FLNC: variants seen among roughly 807,000 people sequenced by gnomAD.
FLNC encodes filamin-C.
Under a neutral mutation model 254.3 loss-of-function variants are expected in FLNC, and 91 were observed. The observed-to-expected ratio is 0.36, with a 90% CI of 0.30 to 0.43. The LOEUF is 0.43. FLNC is among the 20% of genes least tolerant of loss of function. FLNC has a pLI of 1.00. For synonymous variants in FLNC, 1,430 were observed against 1,577.2 expected (o/e 0.91, Z 2.21); for missense variants, 2,853 against 3,802.6 (o/e 0.75, Z 6.57).
In FLNC at chr7:128,851,315, A is replaced by T; in HGVS notation, c.5623A>T (p.Asn1875Tyr). ...YGPGLSHGMVNKPATFTIVTK... is the reference protein window; with the variant it reads ...YGPGLSHGMVYKPATFTIVTK... ...GCCAGGCCTGAGCCATGGCATGGTC[A>T]ACAAGCCAGCCACCTTCACTATTGT... Residue 1875 changes from asparagine to tyrosine, a missense_variant, in exon 34 of 48, where the codon AAC becomes TAC. This residue lies in a region of FLNC where 551 missense variants were observed against 835.0 expected (regional missense o/e 0.66). Transcript: ENST00000325888. 6.2e-7 allele frequency: 1 copy of T among 1,614,146 alleles called. No individual in the cohort carries two copies. The highest frequency in any genetic ancestry group is 8.5e-7 in the Non-Finnish European group (1 of 1,180,044).
chr7:128,840,519 T>A, intron 9 of FLNC, 29 bp from the exon 10 acceptor site: 1 of 1,614,070 alleles, frequency 6.2e-7, no homozygotes, highest in Non-Finnish European at 8.5e-7. Flanking sequence ...TGATCTGCCT[T>A]CTTCCCCACC....
chr7:128,853,141 T>C (rs1808895545), intron 37 of FLNC, 110 bp downstream of exon 37: 2 of 1,129,016 alleles, frequency 1.8e-6, no homozygotes, highest in Non-Finnish European at 2.6e-6. Flanking sequence ...TGAAACTTCC[T>C]GACCAGTCTG....
At chr7:128,831,810 G>A (rs1441591465) in intron 1 of FLNC, among the ~76,000 whole-genome samples, 1 of 152,176 alleles carries the variant, frequency 6.6e-6, no homozygotes, top group East Asian at 1.9e-4. Flanking sequence ...AGTGCAGGGT[G>A]GGGGCGGGGA....
rs780066692 is a variant in FLNC, at chr7:128,842,981, C to T, written c.2550+27C>T. 12 of 1,612,256 alleles carry T rather than the reference C, an allele frequency of 7.4e-6. No homozygotes were observed. Among genetic ancestry groups the T allele is most frequent in the African/African-American group, 4.0e-5 (3 of 74,900 alleles). ...TACCTAAGCTCCTGGGTACTCACAG[C>T]GACATGCACCTGCCAGCTCCAGAAG... is the stretch of plus-strand genomic sequence containing the variant. On this transcript the variant is annotated intron_variant, in intron 16 of 47. Transcript: ENST00000325888. The surrounding 1 kb of genome is among the most constrained non-coding windows in gnomAD (Gnocchi z 5.4).
In FLNC at chr7:128,856,549, C is replaced by A. The variant is rs1203303463; in HGVS notation, c.7283C>A (p.Ser2428Tyr). ...ETGLKVNQPA[S>Y]FAVQLNGARG... ...GGGCTCAAGGTGAACCAGCCAGCGT[C>A]CTTTGCCGTGCAGCTGAACGGTGCC... Residue 2428 changes from serine (S) to tyrosine (Y), a missense_variant, in exon 44 of 48, where the codon TCC becomes TAC. By Grantham distance (144) the Ser-to-Tyr change is moderately radical (BLOSUM62 -2). Transcript: ENST00000325888. The surrounding 1 kb of genome is among the most constrained non-coding windows in gnomAD (Gnocchi z 5.9). The A allele has an allele frequency of 6.2e-7, 1 of 1,612,886 alleles. No homozygotes were observed. The highest frequency in any genetic ancestry group is 8.5e-7 in the Non-Finnish European group (1 of 1,180,030).
rs1232073461 is a variant in FLNC, at chr7:128,841,479, A to G, written c.2033A>G (p.Glu678Gly). 1 of 1,614,112 alleles carries G rather than the reference A, an allele frequency of 6.2e-7. No homozygotes were observed. Among genetic ancestry groups the G allele is most frequent in the Non-Finnish European group, 8.5e-7 (1 of 1,180,008 alleles). The change falls in exon 13 of 48, where the codon GAG becomes GGG. Residue 678 changes from glutamate (E) to glycine (G), a missense_variant. Glu to Gly is a moderately conservative substitution (Grantham distance 98). Transcript: ENST00000325888. This position sits in a 1 kb window ranked among gnomAD's most constrained non-coding sequence, Gnocchi z 4.3. Reference protein sequence around the residue: ...DKVKAFGPGLEPTGCIVDKPA... With the variant: ...DKVKAFGPGLGPTGCIVDKPA... ...GTGAAGGCCTTTGGGCCTGGCCTGG[A>G]GCCTACCGGCTGCATCGTGGACAAG...
rs546313508 is a variant in FLNC, at chr7:128,849,833, C to T, written c.5200-143C>T. 7 of 769,006 alleles carry T rather than the reference C, an allele frequency of 9.1e-6. No homozygotes were observed. The South Asian group carries it at 1.1e-4, about 12-fold the overall frequency. The allele number at this position is 769,006 out of a possible 1,614,324, so 47.6% of individuals were successfully genotyped here. On this transcript the variant is annotated intron_variant, in intron 30 of 47. Transcript: ENST00000325888. ...CCGCTGTGCTCTCCACCATCCCCAG[C>T]TCCATCTCCCCAGAGGCTGCCCTGC...
At position 128,852,837 on chromosome 7, in the gene FLNC, T is replaced by C. The variant is rs1416744239; in HGVS notation, c.6014T>C (p.Phe2005Ser). The C allele has an allele frequency of 6.2e-7, 1 of 1,613,818 alleles. No homozygotes were observed. Reference sequence around the variant, plus strand: ...CACCCACTTTCCACAGGGATCTCCTTCACCCCCAAGGAGGTCGGGGAGCAC... The same window carrying C: ...CACCCACTTTCCACAGGGATCTCCTCCACCCCCAAGGAGGTCGGGGAGCAC... ...RLPNRHIGIS[F>S]TPKEVGEHVV... The change falls in exon 37 of 48, where the codon TTC becomes TCC. Residue 2005 changes from phenylalanine (F) to serine (S), a missense_variant. Around this residue, in one of 10 missense-constraint regions of FLNC, gnomAD observed 551 missense variants for 835.0 expected, o/e 0.66. Coordinates refer to ENST00000325888, the MANE Select transcript of FLNC (RefSeq NM_001458.5).
chr7:128,854,776 C>T lies in FLNC; in HGVS notation c.6999C>T (p.Ala2333=), dbSNP rs201735453. 1.7e-5 allele frequency: 28 copies of T among 1,614,094 alleles called. No individual in the cohort carries two copies. In the African/African-American group the frequency reaches 2.0e-4, roughly 12 times the overall value. ...GLERGVAGVP[A]EFSIWTREAG... is the part of the protein sequence containing the mutation. ...GTCCACTACCTTGCCTGTCCCCAGC[C>T]GAGTTCAGCATCTGGACCCGGGAGG... is the stretch of plus-strand genomic sequence containing the variant. The change falls in exon 42 of 48, where the codon GCC becomes GCT. Residue 2333 remains alanine, a splice_region_variant and synonymous_variant. Coordinates refer to ENST00000325888, the MANE Select transcript of FLNC (RefSeq NM_001458.5).
chr7:128,843,603 C>G, intron 18 of FLNC, 26 bp downstream of exon 18: 1 of 1,613,180 alleles, frequency 6.2e-7, no homozygotes, highest in Non-Finnish European at 8.5e-7. Context: ...CCCATGCTAC[C>G]GCCCGGCCGG....
intron 6 of FLNC, 66 bp from the exon 7 acceptor site, chr7:128,838,201 G>C: frequency 6.4e-7 from 1 of 1,556,736 alleles, no homozygotes; most frequent in South Asian, 1.1e-5. Flanking sequence ...TGGCCTGGCT[G>C]TGCCCCTCTG....
At position 128,830,886 on chromosome 7, in the gene FLNC, C is replaced by T; in HGVS notation, c.249C>T (p.Tyr83=). The change falls in exon 1 of 48, where the codon TAC becomes TAT. Residue 83 remains tyrosine (Y), a synonymous_variant. Transcript: ENST00000325888. ...AGGTGCTCAGCCAGAAGCGCATGTA[C>T]CGCAAGTTCCATCCGCGCCCCAACT... ...LLEVLSQKRM[Y]RKFHPRPNFR... 1 of 1,613,148 alleles carries T rather than the reference C, an allele frequency of 6.2e-7. No individual in the cohort carries two copies. The highest frequency in any genetic ancestry group is 2.2e-5 in the East Asian group (1 of 44,870).
chr7:128,838,147 C>T, intron 6 of FLNC, 83 bp downstream of exon 6: 1 of 1,491,436 alleles, frequency 6.7e-7, no homozygotes, highest in Non-Finnish European at 9.4e-7. Context: ...CAGCCTGTAC[C>T]TCGCGCCTGC....
chr7:128,844,772 T>C lies in FLNC; in HGVS notation c.3307T>C (p.Cys1103Arg). 6.2e-7 allele frequency: 1 copy of C among 1,614,036 alleles called. No individual in the cohort carries two copies. The highest frequency in any genetic ancestry group is 8.5e-7 in the Non-Finnish European group (1 of 1,180,018). ...GGLGLTVEGP[C>R]EAKIECQDNG... The stretch of plus-strand genomic sequence containing the variant: ...CCTGGGGCTGACCGTAGAGGGCCCC[T>C]GCGAGGCCAAGATCGAGTGCCAGGA... The change falls in exon 21 of 48, where the codon TGC becomes CGC. Residue 1103 changes from cysteine to arginine, a missense_variant. Around this residue, in one of 10 missense-constraint regions of FLNC, gnomAD observed 1,573 missense variants for 1,883.5 expected, o/e 0.84. Coordinates refer to ENST00000325888, the MANE Select transcript of FLNC (RefSeq NM_001458.5).
intron 31 of FLNC, 82 bp downstream of exon 31, chr7:128,850,156 G>A (rs1380882393): frequency 3.1e-5 from 39 of 1,260,026 alleles, no homozygotes; most frequent in Admixed American, 1.8e-4. Context: ...CAGCCAGGGC[G>A]GGGACATGGT....
rs578107490 is a variant in FLNC at position 128,840,729 on chromosome 7, G to C, written c.1676+55G>C. ...TGTCTAGGCCATCACAGGGAGGGAC[G>C]AGGGGCACTGGGCTGCGAGGGAGTT... On this transcript the variant is annotated intron_variant, in intron 10 of 47. Transcript: ENST00000325888. 38 of 1,609,946 alleles carry C rather than the reference G, an allele frequency of 2.4e-5. 1 individual carries two copies. In the South Asian group the frequency reaches 4.2e-4, roughly 18 times the overall value.
Position 128,848,591 on chromosome 7 carries a change from T to C in FLNC, c.4611T>C (p.His1537=), listed in dbSNP as rs376222096. ...SPFKIKVLPA[H]DASKVRASGP... ...TCAAGATCAAGGTCCTCCCAGCTCA[T>C]GATGCCAGCAAGGTGCGGGCCAGCG... The change falls in exon 27 of 48, where the codon CAT becomes CAC. Residue 1537 remains histidine (H), a synonymous_variant. Transcript: ENST00000325888. 3.7e-6 allele frequency: 6 copies of C among 1,613,914 alleles called. No homozygotes were observed. The African/African-American group carries it at 6.7e-5, about 18-fold the overall frequency.
rs1414950710 is a variant in FLNC, at chr7:128,830,970, C to T, written c.333C>T (p.His111=). The T allele has an allele frequency of 5.6e-6, 9 of 1,608,940 alleles. No homozygotes were observed. The highest frequency in any genetic ancestry group is 6.8e-6 in the Non-Finnish European group (8 of 1,179,938). ...CCCTCGAGTTCCTCGAGCGCGAGCA[C>T]ATCAAGCTCGTGTCCATAGGTCAGT... ...SVALEFLERE[H]IKLVSIDSKA... Residue 111 remains histidine (H), a synonymous_variant, in exon 1 of 48, where the codon CAC becomes CAT. Coordinates refer to ENST00000325888, the MANE Select transcript of FLNC (RefSeq NM_001458.5).
In FLNC at chr7:128,851,319, A is replaced by G; in HGVS notation, c.5627A>G (p.Lys1876Arg). The stretch of plus-strand genomic sequence containing the variant: ...GGCCTGAGCCATGGCATGGTCAACA[A>G]GCCAGCCACCTTCACTATTGTCACC... Reference protein sequence around the residue: ...GPGLSHGMVNKPATFTIVTKD... With the variant: ...GPGLSHGMVNRPATFTIVTKD... Residue 1876 changes from lysine (K) to arginine (R), a missense_variant, in exon 34 of 48, where the codon AAG (lysine) becomes AGG (arginine). Lys to Arg is a conservative substitution (Grantham distance 26). This residue lies in a region of FLNC where 551 missense variants were observed against 835.0 expected (regional missense o/e 0.66). Coordinates refer to ENST00000325888, the MANE Select transcript of FLNC (RefSeq NM_001458.5). 1 of 1,614,122 alleles carries G rather than the reference A, an allele frequency of 6.2e-7. No individual in the cohort carries two copies. The highest frequency in any genetic ancestry group is 1.1e-5 in the South Asian group (1 of 91,088).
Sources: allele counts gnomAD v4.1 joint callset (sites outside exome capture counted in the v4.1 genomes callset), GRCh38; gene constraint gnomAD v4.1.1; regional missense constraint gnomAD v4.1.1; non-coding constraint Gnocchi (gnomAD v3.1); transcripts MANE v1.5; gene names NCBI Gene and HGNC (gene_info 2026-07-23, HGNC 2026-07-21).